The following TRPC4 variants were observed in gnomAD, a reference collection of about 807,000 sequenced individuals.
The protein encoded by TRPC4 is transient receptor potential cation channel subfamily C member 4.
TRPC4 carries 49 observed loss-of-function variants against 99.4 expected under a neutral mutation model. That is an observed-to-expected ratio of 0.49 (90% CI 0.39 to 0.63). The LOEUF (loss-of-function observed/expected upper bound fraction) is 0.63, where lower values mean the gene tolerates loss of function less well. Among genes scored for constraint, TRPC4 ranks in the 20% least tolerant of loss-of-function variants. The pLI is 0.00. For missense variants in TRPC4, 898 were observed against 1,152.9 expected (o/e 0.78, Z 3.20); for synonymous variants, 454 against 425.9 (o/e 1.07, Z -0.81).
intron 1 of TRPC4, among the ~76,000 whole-genome samples, chr13:37,818,198 A>G (rs2184129): frequency 0.33 from 50,037 of 151,706 alleles, 8,534 homozygotes; most frequent in East Asian, 0.53. Context: ...CCAAAAGTGC[A>G]CAAAGGATGT....
chr13:37,791,046 GT>G (rs1428003275), intron 1 of TRPC4, among the ~76,000 whole-genome samples: 8 of 152,008 alleles, frequency 5.3e-5, no homozygotes, highest in Non-Finnish European at 7.4e-5. Context: ...TATGACCTCA[GT>G]TTTTTACTTA....
At chr13:37,694,752 A>T (rs1460599102) in intron 3 of TRPC4, among the ~76,000 whole-genome samples, 1 of 152,212 alleles carries the variant, frequency 6.6e-6, no homozygotes, top group Non-Finnish European at 1.5e-5. Flanking sequence ...TTTTTGCAGA[A>T]GTAAAAATTA....
chr13:37,668,891 A>C (rs4558282), intron 5 of TRPC4, among the ~76,000 whole-genome samples: 1 of 151,956 alleles, frequency 6.6e-6, no homozygotes, highest in Non-Finnish European at 1.5e-5. Context: ...CAGTGTTTAT[A>C]CTGGCATATT....
rs148105072 is a variant in TRPC4 at position 37,835,189 on chromosome 13, C to T, written c.-28+34406G>A. Among the ~76,000 whole-genome samples the T allele has an allele frequency of 3.6e-3, 547 of 152,246 alleles. 4 individuals carry two copies. Among genetic ancestry groups the T allele is most frequent in the African/African-American group, 0.013 (531 of 41,558 alleles). ...CTTTCAAAGTTGGTAGTCAGTTTTA[C>T]TTGCTTCAGTCGGCTGACTGTTTCA... On this transcript the variant is annotated intron_variant, in intron 1 of 10. Coordinates refer to ENST00000379705, the MANE Select transcript of TRPC4 (RefSeq NM_016179.4).
chr13:37,719,965 G>T (rs1283146307), intron 3 of TRPC4, among the ~76,000 whole-genome samples: 6 of 151,878 alleles, frequency 4.0e-5, no homozygotes, highest in Non-Finnish European at 8.8e-5. Flanking sequence ...ATCTAAGTGG[G>T]CTCGGTGTAG....
chr13:37,704,258 T>C (rs1465207043), intron 3 of TRPC4, among the ~76,000 whole-genome samples: 2 of 152,210 alleles, frequency 1.3e-5, no homozygotes, highest in East Asian at 1.9e-4. Flanking sequence ...TAACCTGTGA[T>C]GGTGATGGAT....
intron 1 of TRPC4, among the ~76,000 whole-genome samples, chr13:37,851,242 C>G (rs1445705680): frequency 6.6e-6 from 1 of 152,116 alleles, no homozygotes; most frequent in East Asian, 1.9e-4. Context: ...TACTCTTACC[C>G]TATTTGCTTT....
intron 3 of TRPC4, among the ~76,000 whole-genome samples, chr13:37,727,450 T>C (rs1955101079): frequency 6.6e-6 from 1 of 151,982 alleles, no homozygotes; most frequent in Non-Finnish European, 1.5e-5. Flanking sequence ...TTTATGCCTA[T>C]AAATACTTAC....
At chr13:37,821,208 A>ACC (rs1318738187) in intron 1 of TRPC4, among the ~76,000 whole-genome samples, 1 of 150,956 alleles carries the variant, frequency 6.6e-6, no homozygotes, top group African/African-American at 2.4e-5. Flanking sequence ...ACACACACAC[A>ACC]CACACACACA....
At chr13:37,694,209 C>T (rs9548024) in intron 3 of TRPC4, among the ~76,000 whole-genome samples, 5,598 of 152,028 alleles carry the variant, frequency 0.037, 153 homozygotes, top group Admixed American at 0.061. Context: ...TTTAGGACAG[C>T]TGAAAAGTCT....
At chr13:37,651,167 C>A in intron 8 of TRPC4, 98 bp downstream of exon 8, 6 of 1,399,102 alleles carry the variant, frequency 4.3e-6, no homozygotes, top group Non-Finnish European at 4.9e-6. Flanking sequence ...TCAGTAAGAA[C>A]AAAAAGGCTA....
chr13:37,773,611 C>A (rs772276609), intron 2 of TRPC4, among the ~76,000 whole-genome samples: 1 of 151,708 alleles, frequency 6.6e-6, no homozygotes, highest in South Asian at 2.1e-4. Context: ...TACTTAGTTA[C>A]TTATAGTGGC....
At chr13:37,717,274 T>C (rs1954709908) in intron 3 of TRPC4, among the ~76,000 whole-genome samples, 1 of 152,188 alleles carries the variant, frequency 6.6e-6, no homozygotes, top group African/African-American at 2.4e-5. Context: ...AAAATAGTTT[T>C]AGAATAGAGG....
intron 8 of TRPC4, among the ~76,000 whole-genome samples, chr13:37,650,393 G>A (rs574475127): frequency 2.6e-5 from 4 of 152,192 alleles, no homozygotes; most frequent in Admixed American, 2.6e-4. Flanking sequence ...AAGTGAGGAA[G>A]GCGTGAAGAA....
At chr13:37,723,315 G>C (rs1196312623) in intron 3 of TRPC4, among the ~76,000 whole-genome samples, 1 of 152,038 alleles carries the variant, frequency 6.6e-6, no homozygotes, top group Non-Finnish European at 1.5e-5. Context: ...TATAAGGGTT[G>C]TCTACAAAAC....
chr13:37,745,325 A>G (rs1955707292), intron 3 of TRPC4, among the ~76,000 whole-genome samples: 1 of 150,826 alleles, frequency 6.6e-6, no homozygotes, highest in Admixed American at 6.6e-5. Flanking sequence ...AGCCTTCCAT[A>G]TCTGAATGTT....
intron 2 of TRPC4, among the ~76,000 whole-genome samples, chr13:37,772,241 C>T (rs899413204): frequency 6.6e-5 from 10 of 151,772 alleles, no homozygotes; most frequent in African/African-American, 1.4e-4. Context: ...GGGGCTACTA[C>T]ATCTATTACC....
chr13:37,745,446 A>G (rs1593640630), intron 3 of TRPC4, among the ~76,000 whole-genome samples: 27 of 3,382 alleles, frequency 8.0e-3, no homozygotes, highest in Admixed American at 0.014. Flanking sequence ...GTATATATAT[A>G]TATATATATA....
chr13:37,670,939 C>T (rs562572962), intron 5 of TRPC4, among the ~76,000 whole-genome samples: 1 of 152,184 alleles, frequency 6.6e-6, no homozygotes, highest in South Asian at 2.1e-4. Flanking sequence ...CATGTCATTA[C>T]AGAAAAGTTC....
Sources: allele counts gnomAD v4.1 joint callset (sites outside exome capture counted in the v4.1 genomes callset), GRCh38; gene constraint gnomAD v4.1.1; transcripts MANE v1.5; gene names NCBI Gene and HGNC (gene_info 2026-07-23, HGNC 2026-07-21).